The following TAF3 variants were observed in gnomAD, a reference collection of about 807,000 sequenced individuals.
TAF3 encodes TATA-box binding protein associated factor 3.
In TAF3, 7 loss-of-function variants were observed where a neutral mutation model predicts 80.6. The ratio of observed to expected loss-of-function variants is 0.09; its 90% CI spans 0.05 to 0.16. The LOEUF is 0.16. TAF3 is among the 10% of genes least tolerant of loss of function. TAF3 has a pLI of 1.00. For synonymous variants in TAF3, 444 were observed against 446.1 expected, an observed-to-expected ratio of 1.00 and a Z score of 0.06; for missense variants, 921 against 1,140.2, an observed-to-expected ratio of 0.81 and a Z score of 2.77.
Position 7,904,149 on chromosome 10 carries a change from C to T in TAF3, c.410-59771C>T, listed in dbSNP as rs531245562. 6.6e-5 allele frequency among the ~76,000 whole-genome samples: 10 copies of T among 151,888 alleles called. No homozygotes were observed. In the South Asian group the frequency reaches 1.3e-3, roughly 19 times the overall value. On this transcript the variant is annotated intron_variant, in intron 2 of 6. Transcript: ENST00000344293. ...GAACTTGTTCTGAATTCAGCGGCAG[C>T]GAGAGCCTGTTCAGTCTCGCATAGT...
intron 2 of TAF3, among the ~76,000 whole-genome samples, chr10:7,938,280 A>G (rs1837942096): frequency 6.6e-6 from 1 of 152,112 alleles, no homozygotes; most frequent in Admixed American, 6.5e-5. Flanking sequence ...GGATAAGAAG[A>G]CAGCATTGGC....
intron 3 of TAF3, among the ~76,000 whole-genome samples, chr10:7,971,679 G>A (rs1361432807): frequency 6.6e-6 from 1 of 151,948 alleles, no homozygotes; most frequent in Non-Finnish European, 1.5e-5. Context: ...CTTCAAGTCA[G>A]GATTTTAAAA....
rs532059921 is a variant in TAF3 at position 7,922,527 on chromosome 10, A to G, written c.410-41393A>G. 4.6e-5 allele frequency among the ~76,000 whole-genome samples: 7 copies of G among 152,248 alleles called. No individual in the cohort carries two copies. In the South Asian group the frequency reaches 1.4e-3, roughly 32 times the overall value. On this transcript the variant is annotated intron_variant, in intron 2 of 6. Transcript: ENST00000344293. ...ATTGCAAATTACAACGTGCTGATTA[A>G]TAAAGTAAGTTGTTCTTATGTTAAG...
intron 2 of TAF3, among the ~76,000 whole-genome samples, chr10:7,953,268 C>T (rs894822879): frequency 3.9e-5 from 6 of 152,194 alleles, no homozygotes; most frequent in African/African-American, 1.4e-4. Context: ...TTCACAGCAA[C>T]ATTTTAAAGA....
At chr10:7,874,860 A>T (rs1048305061) in intron 2 of TAF3, among the ~76,000 whole-genome samples, 3 of 152,108 alleles carry the variant, frequency 2.0e-5, no homozygotes, top group African/African-American at 7.2e-5. Flanking sequence ...CACATAAACT[A>T]AAGAAATTAT....
chr10:7,935,148 G>A lies in TAF3; in HGVS notation c.410-28772G>A, dbSNP rs183113930. 3.8e-3 allele frequency among the ~76,000 whole-genome samples: 581 copies of A among 152,146 alleles called. 4 individuals are homozygous for A. Among genetic ancestry groups the A allele is most frequent in the South Asian group, 0.02 (97 of 4,816 alleles). On this transcript the variant is annotated intron_variant, in intron 2 of 6. Coordinates refer to ENST00000344293, the MANE Select transcript of TAF3 (RefSeq NM_031923.4). ...AAAAATCAGCTGTGCGTGCTGGTGC[G>A]CGCCTGTAATCCCAGCTACTCAGGA...
At chr10:7,898,675 A>C (rs1325021143) in intron 2 of TAF3, among the ~76,000 whole-genome samples, 1 of 152,158 alleles carries the variant, frequency 6.6e-6, no homozygotes, top group African/African-American at 2.4e-5. Context: ...GGGTTCTTAT[A>C]AAACCGCTGT....
intron 2 of TAF3, among the ~76,000 whole-genome samples, chr10:7,938,756 A>C (rs971815919): frequency 3.3e-5 from 5 of 152,232 alleles, no homozygotes; most frequent in African/African-American, 1.2e-4. Flanking sequence ...AGCTAAGCTC[A>C]TGAGAAGAGA....
intron 4 of TAF3, among the ~76,000 whole-genome samples, chr10:8,001,771 G>A (rs1831945253): frequency 6.6e-6 from 1 of 152,054 alleles, no homozygotes; most frequent in Non-Finnish European, 1.5e-5. Context: ...CCAATTTTGA[G>A]GGATTTTTTT....
chr10:7,821,253 T>G (rs1163779993), intron 1 of TAF3, among the ~76,000 whole-genome samples: 1 of 152,140 alleles, frequency 6.6e-6, no homozygotes, highest in Admixed American at 6.6e-5. Context: ...GGTATACTTA[T>G]TAGATATTTT....
intron 2 of TAF3, among the ~76,000 whole-genome samples, chr10:7,888,053 C>G (rs536231148): frequency 1.3e-5 from 2 of 152,298 alleles, no homozygotes; most frequent in East Asian, 1.9e-4. Flanking sequence ...TTCCCTTGCT[C>G]TGCAGCCAGC....
intron 2 of TAF3, among the ~76,000 whole-genome samples, chr10:7,840,253 C>T (rs1836897869): frequency 1.3e-5 from 2 of 151,362 alleles, no homozygotes; most frequent in East Asian, 2.0e-4. Flanking sequence ...CATGGGTTCA[C>T]GCCATTCTCC....
chr10:7,897,637 G>T (rs1588543377), intron 2 of TAF3, among the ~76,000 whole-genome samples: 1 of 147,838 alleles, frequency 6.8e-6, no homozygotes, highest in African/African-American at 2.5e-5. Flanking sequence ...CTTTCTCCTA[G>T]TTCCTATTCT....
chr10:7,882,819 A>G (rs556995499), intron 2 of TAF3, among the ~76,000 whole-genome samples: 1 of 152,232 alleles, frequency 6.6e-6, no homozygotes, highest in Non-Finnish European at 1.5e-5. Context: ...ACTTACAGAA[A>G]AGATACAAGA....
chr10:7,890,565 A>T (rs1034334739), intron 2 of TAF3, among the ~76,000 whole-genome samples: 5 of 152,268 alleles, frequency 3.3e-5, no homozygotes, highest in African/African-American at 9.6e-5. Flanking sequence ...CTATCTTTTC[A>T]GTACAGTCAA....
At chr10:7,993,880 CTT>C (rs953356058) in intron 4 of TAF3, among the ~76,000 whole-genome samples, 65 of 104,386 alleles carry the variant, frequency 6.2e-4, no homozygotes, top group Middle Eastern at 5.6e-3. Flanking sequence ...AATATACAAT[CTT>C]TTTTTTTTTT....
chr10:7,878,795 T>C (rs150898752), intron 2 of TAF3, among the ~76,000 whole-genome samples: 583 of 152,046 alleles, frequency 3.8e-3, no homozygotes, highest in Middle Eastern at 6.8e-3. Flanking sequence ...GCGGCATGAT[T>C]GGGGCTCACT....
chr10:7,935,636 A>G (rs1297742076), intron 2 of TAF3, among the ~76,000 whole-genome samples: 1 of 151,996 alleles, frequency 6.6e-6, no homozygotes, highest in Non-Finnish European at 1.5e-5. Flanking sequence ...AGGGCCAGAG[A>G]ATACTGGGGG....
At chr10:7,833,785 C>T (rs903629048) in intron 2 of TAF3, 2 of 329,744 alleles carry the variant, frequency 6.1e-6, no homozygotes, top group Non-Finnish European at 1.2e-5. Flanking sequence ...ATGGGCATGA[C>T]TGGTCCTGTC....
Sources: allele counts gnomAD v4.1 joint callset (sites outside exome capture counted in the v4.1 genomes callset), GRCh38; gene constraint gnomAD v4.1.1; transcripts MANE v1.5; gene names NCBI Gene and HGNC (gene_info 2026-07-23, HGNC 2026-07-21).